Variants in FMN1 observed in about 807,000 individuals in gnomAD.
The protein encoded by FMN1 is formin 1.
FMN1 carries 110 observed loss-of-function variants against 132.4 expected under a neutral mutation model. That is an observed-to-expected ratio of 0.83 (90% CI 0.71 to 0.97). The LOEUF (loss-of-function observed/expected upper bound fraction) is 0.97. FMN1 is among the 50% of genes least tolerant of loss of function. The probability of loss-of-function intolerance (pLI) is 0.00; values close to 1 mark genes in which losing one functional copy is unlikely to be tolerated. For missense variants in FMN1, 1,792 were observed against 1,705.3 expected, an observed-to-expected ratio of 1.05 and a Z score of -0.90; for synonymous variants, 722 against 651.7, an observed-to-expected ratio of 1.11 and a Z score of -1.64.
chr15:32,898,817 G>A lies in FMN1; in HGVS notation c.3714+17C>T, dbSNP rs985664120. Reference sequence around the variant, plus strand: ...TGAGTAAGAGGTGAAACTTTTCCACGTAATACCATTTCTTACCTGATCATA... The same window carrying A: ...TGAGTAAGAGGTGAAACTTTTCCACATAATACCATTTCTTACCTGATCATA... On this transcript the variant is annotated intron_variant, in intron 15 of 20. Coordinates refer to ENST00000616417, the MANE Select transcript of FMN1 (RefSeq NM_001277313.2). The A allele has an allele frequency of 7.8e-6, 12 of 1,547,390 alleles. No homozygotes were observed. Among genetic ancestry groups the A allele is most frequent in the East Asian group, 2.3e-5 (1 of 44,342 alleles).
intron 16 of FMN1, among the ~76,000 whole-genome samples, chr15:32,868,720 T>A (rs1425912942): frequency 6.6e-6 from 1 of 152,198 alleles, no homozygotes; most frequent in South Asian, 2.1e-4. Flanking sequence ...TCACTCACAT[T>A]CACTCATTCA....
intron 4 of FMN1, among the ~76,000 whole-genome samples, chr15:33,109,053 A>G (rs2039596031): frequency 6.6e-6 from 1 of 152,132 alleles, no homozygotes; most frequent in South Asian, 2.1e-4. Flanking sequence ...CAAACTTGTC[A>G]TAACTTTACC....
chr15:32,857,519 T>C (rs1303738899), intron 16 of FMN1, among the ~76,000 whole-genome samples: 1 of 152,064 alleles, frequency 6.6e-6, no homozygotes, highest in Non-Finnish European at 1.5e-5. Flanking sequence ...TTGAAAAATA[T>C]ATTGCAGAAA....
chr15:32,801,887 C>T (rs1358833636), intron 18 of FMN1, among the ~76,000 whole-genome samples: 2 of 152,192 alleles, frequency 1.3e-5, no homozygotes, highest in African/African-American at 2.4e-5. Flanking sequence ...GAATATGAAC[C>T]TGCAATGGTT....
chr15:33,153,237 G>A lies in FMN1; in HGVS notation c.1678C>T (p.Arg560Cys), dbSNP rs149624435. ...GCAGAGACGCACCCAGAGAAGACACGGCTCTTTCTACAAGGAGAGTCATTA... is the reference window on the plus strand; with the variant it reads ...GCAGAGACGCACCCAGAGAAGACACAGCTCTTTCTACAAGGAGAGTCATTA... ...ALNDSPCRKSRVFSGCVSADT... is the reference protein window; with the variant it reads ...ALNDSPCRKSCVFSGCVSADT... Residue 560 changes from arginine (R) to cysteine (C), a missense_variant, in exon 4 of 21, where the codon CGT becomes TGT. Physicochemically the swap from Arg to Cys is radical, Grantham distance 180. Coordinates refer to ENST00000616417, the MANE Select transcript of FMN1 (RefSeq NM_001277313.2). 9,613 of 1,536,056 alleles carry A rather than the reference G, an allele frequency of 6.3e-3. 41 individuals carry two copies. Among genetic ancestry groups the A allele is most frequent in the Admixed American group, 0.011 (565 of 51,000 alleles).
rs527579952 is a variant in FMN1 at position 33,124,908 on chromosome 15, A to C, written c.1867+28140T>G. On this transcript the variant is annotated intron_variant, in intron 4 of 20. Coordinates refer to ENST00000616417, the MANE Select transcript of FMN1 (RefSeq NM_001277313.2). ...TAGAGCCTTGTTTGGCACAAGGGCA[A>C]ATGTTAAAGATACTATGTGCCACTC... is the stretch of plus-strand genomic sequence containing the variant. Among the ~76,000 whole-genome samples the C allele has an allele frequency of 8.5e-5, 13 of 152,076 alleles. No individual in the cohort carries two copies. In the East Asian group the frequency reaches 2.5e-3, roughly 29 times the overall value.
At chr15:32,959,532 G>GAC (rs2030261330) in intron 9 of FMN1, among the ~76,000 whole-genome samples, 1 of 152,282 alleles carries the variant, frequency 6.6e-6, no homozygotes, top group African/African-American at 2.4e-5. Context: ...AAGCTCAGTA[G>GAC]ACCCAATTTT....
In FMN1 at chr15:32,779,448, G is replaced by A. The variant is rs143007784; in HGVS notation, c.4131-2529C>T. On this transcript the variant is annotated intron_variant, in intron 19 of 20. Transcript: ENST00000616417. ...GTGAGGATGCAGGGGAATGGGAAGT[G>A]CCACACAGTGCACTAAGGAGAAGAA... Among the ~76,000 whole-genome samples, 56 of 152,280 alleles carry A rather than the reference G, an allele frequency of 3.7e-4. No homozygotes were observed. In the East Asian group the frequency reaches 0.011, roughly 29 times the overall value.
Position 32,771,989 on chromosome 15 carries a change from G to A in FMN1, c.*2321C>T, listed in dbSNP as rs1477985775. Reference sequence around the variant, plus strand: ...GTGAGAATAATGAAGATTCTGCCATGGTGTCTTACAACACTAACATCATAC... The same window carrying A: ...GTGAGAATAATGAAGATTCTGCCATAGTGTCTTACAACACTAACATCATAC... On this transcript the variant is annotated 3_prime_UTR_variant, in exon 21 of 21. Transcript: ENST00000616417. 1.3e-5 allele frequency: 2 copies of A among 152,044 alleles called. No homozygotes were observed. The highest frequency in any genetic ancestry group is 4.8e-5 in the African/African-American group (2 of 41,392). The allele number at this position is 152,044 out of a possible 1,614,324, so 9.4% of individuals were successfully genotyped here. A position where few individuals can be genotyped will look rare whatever the true frequency, so the allele number is the denominator to read the frequency against.
intron 12 of FMN1, 175 bp downstream of exon 12, chr15:32,908,315 G>A (rs931965742): frequency 5.0e-5 from 28 of 555,174 alleles, no homozygotes; most frequent in African/African-American, 4.6e-4. Context: ...ACAAATCTCA[G>A]CGCTGCTTTT....
intron 10 of FMN1, among the ~76,000 whole-genome samples, chr15:32,917,994 G>A (rs753191746): frequency 6.6e-6 from 1 of 151,916 alleles, no homozygotes; most frequent in Admixed American, 6.6e-5. Context: ...CTTCTAATAC[G>A]CTATTGCAAC....
intron 5 of FMN1, among the ~76,000 whole-genome samples, chr15:33,078,854 T>C (rs2038332824): frequency 6.6e-6 from 1 of 152,132 alleles, no homozygotes; most frequent in Non-Finnish European, 1.5e-5. Context: ...ATAAATGACG[T>C]ACGTAGCAAG....
chr15:33,089,822 G>C (rs567930658), intron 4 of FMN1, among the ~76,000 whole-genome samples: 1 of 152,294 alleles, frequency 6.6e-6, no homozygotes, highest in South Asian at 2.1e-4. Context: ...CTATTCTTAA[G>C]ATGGCAATAT....
chr15:32,994,633 C>G (rs774434585), intron 7 of FMN1, among the ~76,000 whole-genome samples: 1 of 152,170 alleles, frequency 6.6e-6, no homozygotes, highest in Admixed American at 6.6e-5. Flanking sequence ...CCTGCTCCCT[C>G]GAGCACCTAG....
At chr15:33,065,909 C>A (rs925584310) in intron 5 of FMN1, among the ~76,000 whole-genome samples, 2 of 152,112 alleles carry the variant, frequency 1.3e-5, no homozygotes, top group African/African-American at 4.8e-5. Flanking sequence ...CTCATAACAA[C>A]CATATAACCA....
rs2031558420 is a variant in FMN1 at position 32,969,238 on chromosome 15, C to G, written c.2463G>C (p.Lys821Asn). Residue 821 changes from lysine to asparagine, a missense_variant, in exon 8 of 21, where the codon AAG (lysine) becomes AAC (asparagine). Transcript: ENST00000616417. The part of the protein sequence containing the change: ...TFLKPCESES[K>N]TTRSNQLVPK... ...GTACTAATTGATTACTTCTGGTTGT[C>G]TTGCTTTCACTTTCACAGGGCTTGA... 6 of 1,613,860 alleles carry G rather than the reference C, an allele frequency of 3.7e-6. No individual in the cohort carries two copies. The highest frequency in any genetic ancestry group is 1.7e-5 in the Admixed American group (1 of 59,990).
chr15:32,924,647 T>C (rs1409175473), intron 10 of FMN1, among the ~76,000 whole-genome samples: 2 of 152,218 alleles, frequency 1.3e-5, no homozygotes, highest in African/African-American at 4.8e-5. Flanking sequence ...TTGCTGGGCA[T>C]AGTGGCTCAC....
chr15:32,893,676 G>C (rs2060086158), intron 15 of FMN1, among the ~76,000 whole-genome samples: 1 of 152,248 alleles, frequency 6.6e-6, no homozygotes, highest in African/African-American at 2.4e-5. Flanking sequence ...CTCTTGTTGA[G>C]TGAAATGCAT....
chr15:32,917,885 A>C (rs1200838640), intron 10 of FMN1, among the ~76,000 whole-genome samples: 1 of 152,236 alleles, frequency 6.6e-6, no homozygotes, highest in Non-Finnish European at 1.5e-5. Context: ...GCAATCCCAG[A>C]GTGGGAAGCA....
Sources: gnomAD v4.1 joint callset for allele counts (sites outside exome capture counted in the v4.1 genomes callset) on GRCh38, gnomAD v4.1.1 for gene constraint, MANE v1.5 for transcripts, NCBI Gene and HGNC (gene_info 2026-07-23, HGNC 2026-07-21) for gene names.